The following SLC22A23 variants were observed in gnomAD, a reference collection of about 807,000 sequenced individuals.
The protein encoded by SLC22A23 is ion transporter protein.
SLC22A23 carries 26 observed loss-of-function variants against 61.0 expected under a neutral mutation model. The observed-to-expected ratio is 0.43, with a 90% CI of 0.31 to 0.59. SLC22A23 has a LOEUF of 0.59. SLC22A23 is among the 20% of genes least tolerant of loss of function. The pLI is 0.11. For missense variants in SLC22A23, 796 were observed against 934.7 expected (o/e 0.85, Z 1.94); for synonymous variants, 430 against 413.9 (o/e 1.04, Z -0.47).
chr6:3,298,363 T>C (rs1251972917), intron 4 of SLC22A23, 145 bp from the exon 5 acceptor site: 1 of 872,614 alleles, frequency 1.1e-6, no homozygotes, highest in Admixed American at 3.2e-5. Context: ...GAGATAAAAC[T>C]GTGGGCACTG....
intron 1 of SLC22A23, chr6:3,432,321 G>A (rs565978644): frequency 2.0e-6 from 2 of 985,494 alleles, no homozygotes; most frequent in African/African-American, 1.7e-5. Context: ...TAGGCTGGCT[G>A]TGAGACTTTG....
intron 3 of SLC22A23, among the ~76,000 whole-genome samples, chr6:3,347,608 T>G (rs890205605): frequency 7.2e-5 from 11 of 152,072 alleles, no homozygotes; most frequent in African/African-American, 2.2e-4. Flanking sequence ...CCCTCTCTCA[T>G]TCATCGCTCG....
At chr6:3,379,064 G>T (rs547747337) in intron 3 of SLC22A23, among the ~76,000 whole-genome samples, 47 of 152,232 alleles carry the variant, frequency 3.1e-4, no homozygotes, top group African/African-American at 1.1e-3. Context: ...GGGCCTCCCT[G>T]CCAGCATGAC....
chr6:3,379,442 T>C (rs369306003), intron 3 of SLC22A23, among the ~76,000 whole-genome samples: 43 of 152,290 alleles, frequency 2.8e-4, no homozygotes, highest in African/African-American at 1.0e-3. Flanking sequence ...TATGGAACGC[T>C]GTCACAGAAC....
intron 9 of SLC22A23, among the ~76,000 whole-genome samples, chr6:3,277,571 A>C (rs1226509824): frequency 6.6e-6 from 1 of 152,126 alleles, no homozygotes; most frequent in East Asian, 1.9e-4. Context: ...CTGCATCCTC[A>C]GGACACTTGT....
At chr6:3,302,705 A>C (rs1761699739) in intron 4 of SLC22A23, among the ~76,000 whole-genome samples, 1 of 152,084 alleles carries the variant, frequency 6.6e-6, no homozygotes, top group Non-Finnish European at 1.5e-5. Context: ...GTTGTTCATG[A>C]GTATGTTGTT....
At chr6:3,285,263 G>A (rs540216884) in intron 7 of SLC22A23, 152 bp from the exon 8 acceptor site, 199 of 1,047,164 alleles carry the variant, frequency 1.9e-4, no homozygotes, top group Non-Finnish European at 2.5e-4. Flanking sequence ...GGCGCTGGCC[G>A]CCGGGGCAGT....
At chr6:3,274,619 T>C (rs780330189) in intron 9 of SLC22A23, among the ~76,000 whole-genome samples, 1 of 152,208 alleles carries the variant, frequency 6.6e-6, no homozygotes, top group African/African-American at 2.4e-5. Flanking sequence ...TGGTTGGCAC[T>C]ATAGGTAGCT....
chr6:3,384,638 T>C (rs1428615167), intron 3 of SLC22A23, among the ~76,000 whole-genome samples: 1 of 152,240 alleles, frequency 6.6e-6, no homozygotes, highest in Non-Finnish European at 1.5e-5. Flanking sequence ...ATAAAAACTT[T>C]TATTCATTAA....
intron 7 of SLC22A23, 48 bp from the exon 8 acceptor site, chr6:3,285,159 G>A (rs1356554613): frequency 6.2e-7 from 1 of 1,610,098 alleles, no homozygotes; most frequent in Admixed American, 1.7e-5. Flanking sequence ...GGCCAAGCAA[G>A]CGAGAAGAGA....
chr6:3,412,951 C>T (rs1466521466), intron 2 of SLC22A23, among the ~76,000 whole-genome samples: 5 of 152,126 alleles, frequency 3.3e-5, no homozygotes, highest in Admixed American at 3.3e-4. Context: ...CTGCTGACAC[C>T]CCGACTTTAG....
intron 3 of SLC22A23, among the ~76,000 whole-genome samples, chr6:3,380,955 C>T (rs1043039321): frequency 6.6e-6 from 1 of 152,150 alleles, no homozygotes; most frequent in African/African-American, 2.4e-5. Context: ...GTCACTTCCA[C>T]TCGCAGCTCA....
chr6:3,413,183 A>G (rs1429943514), intron 2 of SLC22A23, among the ~76,000 whole-genome samples: 2 of 152,322 alleles, frequency 1.3e-5, no homozygotes, highest in South Asian at 2.1e-4. Flanking sequence ...GGAACCCACA[A>G]CAGACGGTGT....
At chr6:3,278,862 G>T (rs1235222075) in intron 9 of SLC22A23, among the ~76,000 whole-genome samples, 1 of 152,074 alleles carries the variant, frequency 6.6e-6, no homozygotes, top group Non-Finnish European at 1.5e-5. Flanking sequence ...TGACCTTCCC[G>T]GCACTAAATG....
chr6:3,350,535 G>C (rs567424393), intron 3 of SLC22A23, among the ~76,000 whole-genome samples: 6 of 152,340 alleles, frequency 3.9e-5, no homozygotes, highest in South Asian at 2.1e-4. Context: ...GCAGTAGCAG[G>C]GAGTAGTAGG....
At chr6:3,432,495 C>G (rs964363823) in intron 1 of SLC22A23, among the ~76,000 whole-genome samples, 1 of 152,244 alleles carries the variant, frequency 6.6e-6, no homozygotes, top group Admixed American at 6.5e-5. Context: ...GCGTCTCCTT[C>G]TAGCTCTCCG....
chr6:3,339,347 C>T (rs1464840958), intron 3 of SLC22A23, among the ~76,000 whole-genome samples: 3 of 152,162 alleles, frequency 2.0e-5, no homozygotes, highest in Non-Finnish European at 4.4e-5. Flanking sequence ...GTTTTCTGTT[C>T]ATTCCCCAGG....
chr6:3,447,607 GAGAC>G (rs1208223522), intron 1 of SLC22A23, among the ~76,000 whole-genome samples: 1 of 87,404 alleles, frequency 1.1e-5, no homozygotes, highest in Non-Finnish European at 2.2e-5. Flanking sequence ...TTTTTTGTCT[GAGAC>G]AGAGTCTTGC....
chr6:3,325,052 C>T (rs1212451946), intron 3 of SLC22A23, among the ~76,000 whole-genome samples: 10 of 152,174 alleles, frequency 6.6e-5, no homozygotes, highest in Admixed American at 2.6e-4. Context: ...GCAGTATTCT[C>T]TAAAGGCTTC....
Sources: allele counts gnomAD v4.1 joint callset (sites outside exome capture counted in the v4.1 genomes callset), GRCh38; gene constraint gnomAD v4.1.1; transcripts MANE v1.5; gene names NCBI Gene and HGNC (gene_info 2026-07-23, HGNC 2026-07-21).